The following SUCO variants were observed in gnomAD, a reference collection of about 807,000 sequenced individuals.
SUCO encodes the protein SUN domain containing ossification factor.
In SUCO, 57 loss-of-function variants were observed where a neutral mutation model predicts 148.1. That is an observed-to-expected ratio of 0.38 (90% CI 0.31 to 0.48). The LOEUF is 0.48. Ranked by LOEUF, SUCO falls within the 20% of genes least tolerant of loss-of-function variation. SUCO has a pLI of 0.96. For missense variants in SUCO, 1,331 were observed against 1,468.2 expected (o/e 0.91, Z 1.53); for synonymous variants, 470 against 502.7 (o/e 0.93, Z 0.87).
chr1:172,557,615 T>A, intron 5 of SUCO, 29 bp from the exon 6 acceptor site: 1 of 1,549,722 alleles, frequency 6.5e-7, no homozygotes, highest in Non-Finnish European at 8.7e-7. Flanking sequence ...AAAATCTGTT[T>A]ATTTAATATA....
At chr1:172,569,229 A>T in intron 7 of SUCO, 87 bp downstream of exon 7, 1 of 1,228,464 alleles carries the variant, frequency 8.1e-7, no homozygotes, top group South Asian at 2.1e-5. Context: ...GGTAAAACAA[A>T]ATAAAATTTA....
At chr1:172,591,242 A>G (rs189337585) in intron 19 of SUCO, among the ~76,000 whole-genome samples, 171 bp downstream of exon 19, 100 of 152,220 alleles carry the variant, frequency 6.6e-4, no homozygotes, top group Non-Finnish European at 1.3e-3. Flanking sequence ...AGCTATTAGC[A>G]TCATTATCTT....
At chr1:172,532,461 G>A (rs751039651), upstream of SUCO, 8 of 1,597,530 alleles carry the variant, frequency 5.0e-6, no homozygotes, top group Admixed American at 5.3e-5. Flanking sequence ...GTTTTCCGCT[G>A]CAACCAATCA....
chr1:172,591,741 C>T (rs1277464034), intron 19 of SUCO, among the ~76,000 whole-genome samples: 1 of 151,990 alleles, frequency 6.6e-6, no homozygotes, highest in Non-Finnish European at 1.5e-5. Context: ...AGTAAACATA[C>T]GTGTGCATGT....
chr1:172,584,912 CAA>C, intron 15 of SUCO, 104 bp from the exon 16 acceptor site: 1 of 691,768 alleles, frequency 1.4e-6, no homozygotes, highest in East Asian at 3.0e-5. Context: ...AGTAACCAGT[CAA>C]AAAATGCAAA....
upstream of SUCO, chr1:172,532,791 G>A: frequency 6.2e-7 from 1 of 1,609,212 alleles, no homozygotes; most frequent in Non-Finnish European, 8.5e-7. Context: ...GCGCGCGAGG[G>A]ACGAAGGGCG....
rs139101361 is a variant in SUCO at position 172,533,518 on chromosome 1, G to C, written c.62+21G>C. ...GTCTGGTGAGTAGCCGCGACGACAA[G>C]GGAGTTCCCGTGAGGGGAGTAAATG... is the stretch of plus-strand genomic sequence containing the variant. On this transcript the variant is annotated intron_variant, in intron 1 of 23. Transcript: ENST00000263688. The C allele has an allele frequency of 5.1e-4, 783 of 1,527,850 alleles. 2 individuals are homozygous for C. The African/African-American group carries it at 0.01, about 20-fold the overall frequency. The allele number at this position is 1,527,850 out of a possible 1,614,324, so 94.6% of individuals were successfully genotyped here.
At position 172,588,741 on chromosome 1, in the gene SUCO, A is replaced by T; in HGVS notation, c.1659-19A>T. On this transcript the variant is annotated intron_variant, in intron 17 of 23. Coordinates refer to ENST00000263688, the MANE Select transcript of SUCO (RefSeq NM_014283.5). Reference sequence around the variant, plus strand: ...ACTTCTAAGTAAGTGATTTATAATTATGATATATGTATTTCTAGGTATGTA... The same window carrying T: ...ACTTCTAAGTAAGTGATTTATAATTTTGATATATGTATTTCTAGGTATGTA... 3 of 1,366,304 alleles carry T rather than the reference A, an allele frequency of 2.2e-6. No individual in the cohort carries two copies. Among genetic ancestry groups the T allele is most frequent in the Non-Finnish European group, 2.9e-6 (3 of 1,047,628 alleles). The allele number at this position is 1,366,304 out of a possible 1,614,324, so 84.6% of individuals were successfully genotyped here.
intron 7 of SUCO, chr1:172,569,421 G>T (rs1356432947): frequency 2.0e-6 from 2 of 979,124 alleles, no homozygotes; most frequent in Non-Finnish European, 2.4e-6. Flanking sequence ...GAAAATTGAG[G>T]CATGGAAACT....
At chr1:172,588,618 G>A in intron 17 of SUCO, 142 bp from the exon 18 acceptor site, 1 of 1,275,180 alleles carries the variant, frequency 7.8e-7, no homozygotes, top group Non-Finnish European at 1.0e-6. Flanking sequence ...GTGTTTTGTA[G>A]GTGAAACATT....
intron 1 of SUCO, among the ~76,000 whole-genome samples, chr1:172,534,367 C>T (rs1205085243): frequency 6.6e-6 from 1 of 152,116 alleles, no homozygotes; most frequent in Non-Finnish European, 1.5e-5. Flanking sequence ...TGAAAAGATG[C>T]TTCTTCAGTC....
intron 10 of SUCO, 39 bp downstream of exon 10, chr1:172,574,037 T>A (rs377219438): frequency 4.1e-6 from 5 of 1,225,770 alleles, no homozygotes; most frequent in Non-Finnish European, 5.8e-6. Flanking sequence ...CTATGTTGGA[T>A]CTCTGAAAAA....
chr1:172,563,783 A>G (rs1654352343), intron 6 of SUCO, among the ~76,000 whole-genome samples: 1 of 152,190 alleles, frequency 6.6e-6, no homozygotes, highest in African/African-American at 2.4e-5. Flanking sequence ...TAGCCAAGAA[A>G]GTGGGGGAAA....
chr1:172,600,192 G>C (rs182010250), intron 20 of SUCO, 24 bp downstream of exon 20: 7 of 1,485,876 alleles, frequency 4.7e-6, no homozygotes, highest in South Asian at 1.2e-5. Flanking sequence ...CTGGTATTGC[G>C]AGACCCAATG....
At chr1:172,539,867 T>C (rs1652315518) in intron 1 of SUCO, among the ~76,000 whole-genome samples, 1 of 152,208 alleles carries the variant, frequency 6.6e-6, no homozygotes, top group Non-Finnish European at 1.5e-5. Flanking sequence ...TGATGAAGGA[T>C]ACAGAAGAAT....
intron 17 of SUCO, among the ~76,000 whole-genome samples, chr1:172,587,676 A>G (rs1376497888): frequency 6.6e-6 from 1 of 152,124 alleles, no homozygotes; most frequent in Admixed American, 6.6e-5. Flanking sequence ...ATGAAAGTCT[A>G]CATCATAGAT....
At chr1:172,602,937 A>T (rs370872039) in intron 22 of SUCO, 150 bp downstream of exon 22, 2 of 634,458 alleles carry the variant, frequency 3.2e-6, no homozygotes, top group South Asian at 4.4e-5. Flanking sequence ...CCACTTTATC[A>T]TTTTCACATT....
At chr1:172,532,488 G>A, upstream of SUCO, 2 of 1,612,814 alleles carry the variant, frequency 1.2e-6, no homozygotes, top group South Asian at 1.1e-5. Flanking sequence ...AGGATTCTTG[G>A]CACGCCCCTT....
At chr1:172,586,468 T>C (rs919800535) in intron 17 of SUCO, among the ~76,000 whole-genome samples, 3 of 152,190 alleles carry the variant, frequency 2.0e-5, no homozygotes, top group Non-Finnish European at 4.4e-5. Flanking sequence ...CAGGGATGTA[T>C]CTAAATAGGT....
Sources: gnomAD v4.1 joint callset for allele counts (sites outside exome capture counted in the v4.1 genomes callset) on GRCh38, gnomAD v4.1.1 for gene constraint, MANE v1.5 for transcripts, NCBI Gene and HGNC (gene_info 2026-07-23, HGNC 2026-07-21) for gene names.